Variants in CTNNA2 observed in about 807,000 individuals in gnomAD.
The protein encoded by CTNNA2 is catenin alpha-2.
In CTNNA2, 42 loss-of-function variants were observed where a neutral mutation model predicts 101.0. The ratio of observed to expected loss-of-function variants is 0.42; its 90% CI spans 0.32 to 0.54. CTNNA2 has a LOEUF of 0.54. CTNNA2 is among the 20% of genes least tolerant of loss of function. The pLI, the probability that CTNNA2 is intolerant of heterozygous loss-of-function variation, is 0.14. For missense variants in CTNNA2, 871 were observed against 1,223.1 expected (o/e 0.71, Z 4.29); for synonymous variants, 450 against 456.4 (o/e 0.99, Z 0.18).
At chr2:80,393,385 A>G in intron 8 of CTNNA2, 94 bp downstream of exon 8, 3 of 873,078 alleles carry the variant, frequency 3.4e-6, no homozygotes, top group Non-Finnish European at 5.4e-6. Context: ...GATGACAATG[A>G]GGTTGTTATT....
chr2:79,714,619 G>A (rs893828082), intron 2 of CTNNA2, among the ~76,000 whole-genome samples: 6 of 150,466 alleles, frequency 4.0e-5, no homozygotes, highest in Non-Finnish European at 8.8e-5. Flanking sequence ...TCACTGTTAG[G>A]GGCCTAATTA....
Position 79,232,713 on chromosome 2 carries a change from C to T in CTNNA2, c.-406+34637C>T, listed in dbSNP as rs577153518. Among the ~76,000 whole-genome samples, 55 of 152,218 alleles carry T rather than the reference C, an allele frequency of 3.6e-4. 1 individual carries two copies. The highest frequency in any genetic ancestry group is 9.9e-4 in the African/African-American group (41 of 41,526). On this transcript the variant is annotated intron_variant, in intron 2 of 21. Transcript: ENST00000466387. ...AGATTTTTATTACTGACTCAATTTCCGAACTTGTTACGGGTCTTTTCAGGT... is the reference window on the plus strand; with the variant it reads ...AGATTTTTATTACTGACTCAATTTCTGAACTTGTTACGGGTCTTTTCAGGT...
intron 4 of CTNNA2, among the ~76,000 whole-genome samples, chr2:79,483,631 A>T (rs566741348): frequency 1.4e-4 from 22 of 152,298 alleles, no homozygotes; most frequent in African/African-American, 5.1e-4. Context: ...CTCATAGCTT[A>T]GCTCCATTAA....
At chr2:79,926,476 C>A (rs1309637607) in intron 7 of CTNNA2, among the ~76,000 whole-genome samples, 1 of 152,012 alleles carries the variant, frequency 6.6e-6, no homozygotes, top group Non-Finnish European at 1.5e-5. Flanking sequence ...GAACTGGAGG[C>A]CTTTTCTTAT....
intron 4 of CTNNA2, chr2:79,498,991 G>C (rs1671288564): frequency 6.6e-6 from 1 of 152,172 alleles, no homozygotes; most frequent in Admixed American, 6.5e-5. Context: ...CTCAGTGAAG[G>C]CTGGAAGACT....
At chr2:80,167,154 A>G (rs1704753171) in intron 7 of CTNNA2, among the ~76,000 whole-genome samples, 1 of 152,146 alleles carries the variant, frequency 6.6e-6, no homozygotes, top group Non-Finnish European at 1.5e-5. Flanking sequence ...TAATGGCAAA[A>G]ATCACACTTA....
intron 1 of CTNNA2, among the ~76,000 whole-genome samples, chr2:79,192,601 C>G (rs147390165): frequency 6.6e-6 from 1 of 151,908 alleles, no homozygotes; most frequent in Admixed American, 6.6e-5. Context: ...ATAAGACATG[C>G]GAATTATCTA....
intron 7 of CTNNA2, among the ~76,000 whole-genome samples, chr2:80,120,047 T>C (rs377019658): frequency 6.6e-6 from 1 of 152,212 alleles, no homozygotes; most frequent in African/African-American, 2.4e-5. Flanking sequence ...TAATTACTAA[T>C]AGGCTCTGCA....
rs2149206810 is a variant in CTNNA2 at position 80,302,500 on chromosome 2, G to A, written c.1057-90711G>A. On this transcript the variant is annotated intron_variant, in intron 7 of 18. Coordinates refer to ENST00000402739, the MANE Select transcript of CTNNA2 (RefSeq NM_001282597.3). This position sits in a 1 kb window ranked among gnomAD's most constrained non-coding sequence, Gnocchi z 6.4. Reference sequence around the variant, plus strand: ...ACACGTAGAGCACCAGGACCACGATGAGGAAGGAGAAGATGAGGGCCATGG... The same window carrying A: ...ACACGTAGAGCACCAGGACCACGATAAGGAAGGAGAAGATGAGGGCCATGG... 6.2e-7 allele frequency: 1 copy of A among 1,613,582 alleles called. No individual in the cohort carries two copies.
intron 7 of CTNNA2, among the ~76,000 whole-genome samples, chr2:80,082,715 C>A (rs1028194169): frequency 1.3e-5 from 2 of 151,976 alleles, no homozygotes; most frequent in Non-Finnish European, 2.9e-5. Context: ...ATTAGATGAC[C>A]AGAATATGAT....
At chr2:80,486,790 T>A (rs1459065948) in intron 9 of CTNNA2, among the ~76,000 whole-genome samples, 1 of 152,180 alleles carries the variant, frequency 6.6e-6, no homozygotes, top group Non-Finnish European at 1.5e-5. Flanking sequence ...CTTACACCAA[T>A]GCTGAGAAGT....
In CTNNA2 at chr2:79,462,969, C is replaced by A. The variant is rs955362153; in HGVS notation, c.-134-42085C>A. ...AGGAAGAGTCATCCAGGTATCACATCATTTTAAAGTGATTATGTGGTGAAA... is the reference window on the plus strand; with the variant it reads ...AGGAAGAGTCATCCAGGTATCACATAATTTTAAAGTGATTATGTGGTGAAA... On this transcript the variant is annotated intron_variant, in intron 4 of 21. Coordinates refer to the CTNNA2 transcript ENST00000466387. 3.9e-5 allele frequency among the ~76,000 whole-genome samples: 6 copies of A among 152,192 alleles called. No individual in the cohort carries two copies. The South Asian group carries it at 1.2e-3, about 31-fold the overall frequency.
At chr2:80,569,438 A>T (rs577035323) in intron 12 of CTNNA2, among the ~76,000 whole-genome samples, 6 of 152,034 alleles carry the variant, frequency 3.9e-5, no homozygotes, top group Non-Finnish European at 8.8e-5. Flanking sequence ...TGGTGCCTAC[A>T]GTTTTTGGAT....
intron 7 of CTNNA2, among the ~76,000 whole-genome samples, chr2:79,994,031 T>C (rs979465056): frequency 1.3e-5 from 2 of 152,102 alleles, no homozygotes; most frequent in Admixed American, 1.3e-4. Flanking sequence ...ATCCTCTCTC[T>C]GGAGTAGCTG....
At chr2:80,096,824 G>T (rs185168222) in intron 7 of CTNNA2, among the ~76,000 whole-genome samples, 34 of 152,256 alleles carry the variant, frequency 2.2e-4, no homozygotes, top group African/African-American at 7.9e-4. Flanking sequence ...GACTAGGATT[G>T]CAACCCCTGC....
chr2:79,234,611 C>T (rs1457449363), intron 2 of CTNNA2, among the ~76,000 whole-genome samples: 7 of 152,120 alleles, frequency 4.6e-5, no homozygotes, highest in South Asian at 2.1e-4. Flanking sequence ...TTTTTATGAA[C>T]GATATCTTCA....
At chr2:79,553,304 G>A (rs1227478543) in intron 1 of CTNNA2, among the ~76,000 whole-genome samples, 1 of 152,096 alleles carries the variant, frequency 6.6e-6, no homozygotes, top group Non-Finnish European at 1.5e-5. Context: ...CAAGTCTCTA[G>A]GACGTTCCAA....
chr2:79,605,572 A>G (rs1280655557), intron 1 of CTNNA2, among the ~76,000 whole-genome samples: 6 of 152,168 alleles, frequency 3.9e-5, no homozygotes, highest in Admixed American at 3.9e-4. Flanking sequence ...CATTGTGTAC[A>G]GTGTAAAAAA....
At position 79,310,921 on chromosome 2, in the gene CTNNA2, C is replaced by T. The variant is rs151170551; in HGVS notation, c.-405-1788C>T. ...TTTCTTTAGAGTGGCCATCTGTGCT[C>T]AGATTGGGCCACAGAGTGGTGAACA... On this transcript the variant is annotated intron_variant, in intron 2 of 21. Coordinates refer to the CTNNA2 transcript ENST00000466387. Among the ~76,000 whole-genome samples the T allele has an allele frequency of 1.7e-4, 26 of 152,286 alleles. 1 individual carries two copies. The East Asian group carries it at 4.6e-3, about 27-fold the overall frequency.
Sources: allele counts gnomAD v4.1 joint callset (sites outside exome capture counted in the v4.1 genomes callset), GRCh38; gene constraint gnomAD v4.1.1; non-coding constraint Gnocchi (gnomAD v3.1); transcripts MANE v1.5; gene names NCBI Gene and HGNC (gene_info 2026-07-23, HGNC 2026-07-21).